MTARC2: variants seen among roughly 807,000 people sequenced by gnomAD.
The protein encoded by MTARC2 is MOCO sulphurase C-terminal domain containing 2.
MTARC2 carries 27 observed loss-of-function variants against 35.6 expected under a neutral mutation model. That is an observed-to-expected ratio of 0.76 (90% confidence interval 0.56 to 1.04). The LOEUF is 1.04. MTARC2 is among the 50% of genes least tolerant of loss of function. The pLI, the probability that MTARC2 is intolerant of heterozygous loss-of-function variation, is 0.00. For missense variants in MTARC2, 412 were observed against 432.5 expected, an observed-to-expected ratio of 0.95 and a Z score of 0.42; for synonymous variants, 158 against 167.1, an observed-to-expected ratio of 0.95 and a Z score of 0.42.
At chr1:220,783,309 G>A (rs947484174) in intron 7 of MTARC2, among the ~76,000 whole-genome samples, 1 of 152,194 alleles carries the variant, frequency 6.6e-6, no homozygotes, top group African/African-American at 2.4e-5. Flanking sequence ...TACTAGAGGG[G>A]AAACTGTGAA....
intron 4 of MTARC2, among the ~76,000 whole-genome samples, chr1:220,773,071 G>C (rs978633612): frequency 3.3e-5 from 5 of 152,122 alleles, no homozygotes; most frequent in African/African-American, 1.2e-4. Context: ...CTTGGGGAAA[G>C]AGGGGTGTCC....
At position 220,776,881 on chromosome 1, in the gene MTARC2, C is replaced by T. The variant is rs138987315; in HGVS notation, c.751-3137C>T. Among the ~76,000 whole-genome samples, 1,435 of 152,304 alleles carry T rather than the reference C, an allele frequency of 9.4e-3. 10 individuals are homozygous for T. The highest frequency in any genetic ancestry group is 0.062 in the Middle Eastern group (18 of 292). On this transcript the variant is annotated intron_variant, in intron 4 of 7. Coordinates refer to ENST00000366913, the MANE Select transcript of MTARC2 (RefSeq NM_017898.5). ...GCTGGGTCGGCTTCCATTCCTGGGT[C>T]CGCAGCGCCCTCGTGTGGTAGGTGC...
intron 4 of MTARC2, among the ~76,000 whole-genome samples, chr1:220,773,556 C>A (rs1368125316): frequency 6.6e-6 from 1 of 152,132 alleles, no homozygotes; most frequent in African/African-American, 2.4e-5. Context: ...GTGGCCTGGA[C>A]TTGGCTGGCA....
Position 220,748,804 on chromosome 1 carries a change from G to T in MTARC2, c.272+1G>T. 6.3e-7 allele frequency: 1 copy of T among 1,583,960 alleles called. No homozygotes were observed. The highest frequency in any genetic ancestry group is 1.8e-5 in the Admixed American group (1 of 56,360). On this transcript the variant is annotated splice_donor_variant, in intron 1 of 7. Coordinates refer to ENST00000366913, the MANE Select transcript of MTARC2 (RefSeq NM_017898.5). LOFTEE classifies it high-confidence loss of function. ...TGCGCAGCGGCAACCTGCGGGACAG[G>T]TACAGCACAGCGCGGGCGCGGGGCA...
chr1:220,776,105 C>T (rs1354846315), intron 4 of MTARC2, among the ~76,000 whole-genome samples: 1 of 152,180 alleles, frequency 6.6e-6, no homozygotes, highest in Non-Finnish European at 1.5e-5. Context: ...ATCTACAGAT[C>T]GCTTTCCATG....
Position 220,754,993 on chromosome 1 carries a change from C to A in MTARC2, c.319C>A (p.Gln107Lys). The change falls in exon 2 of 8, where the codon CAG becomes AAG. Residue 107 changes from glutamine to lysine, a missense_variant. Transcript: ENST00000366913. The part of the protein sequence containing the change: ...KEDGHMVTAR[Q>K]EPRLVLISII... ...AGATGGACACATGGTCACTGCCCGA[C>A]AGGAGCCTCGCCTCGTGCTCATCTC... 1 of 1,611,318 alleles carries A rather than the reference C, an allele frequency of 6.2e-7. No individual in the cohort carries two copies. The highest frequency in any genetic ancestry group is 8.5e-7 in the Non-Finnish European group (1 of 1,178,684).
intron 4 of MTARC2, among the ~76,000 whole-genome samples, chr1:220,778,247 C>CAAAAAAAAAAAAA (rs60336134): frequency 6.2e-5 from 6 of 97,296 alleles, no homozygotes; most frequent in Admixed American, 1.3e-4. Context: ...GACTCTGTCT[C>CAAAAAAAAAAAAA]AAAAAAAAAA....
At chr1:220,778,258 AAAAAAAAAAAGAAAG>A (rs1425031618) in intron 4 of MTARC2, among the ~76,000 whole-genome samples, 52 of 141,804 alleles carry the variant, frequency 3.7e-4, no homozygotes, top group African/African-American at 1.1e-3. Flanking sequence ...AAAAAAAAAA[AAAAAAAAAAAGAAAG>A]AAAGAAAGAA....
At chr1:220,754,228 G>A (rs1671214939) in intron 1 of MTARC2, 3 of 435,190 alleles carry the variant, frequency 6.9e-6, no homozygotes, top group Non-Finnish European at 1.4e-5. Flanking sequence ...ACTGGGCCTG[G>A]CCAGCTTCCC....
At chr1:220,765,564 TAG>T (rs1412402915) in intron 4 of MTARC2, among the ~76,000 whole-genome samples, 1 of 152,300 alleles carries the variant, frequency 6.6e-6, no homozygotes, top group African/African-American at 2.4e-5. Flanking sequence ...GCCCAGTCAC[TAG>T]AGAGTCTTTG....
chr1:220,761,752 C>A lies in MTARC2; in HGVS notation c.541C>A (p.Gln181Lys), dbSNP rs1671443281. ...GAAAACTGAAGCGTATAGATTGGTT[C>A]AATTTGAGACAAACATGAAGGGAAG... ...FLKTEAYRLV[Q>K]FETNMKGRTS... The change falls in exon 3 of 8, where the codon CAA becomes AAA. Residue 181 changes from glutamine (Q) to lysine (K), a missense_variant. Coordinates refer to ENST00000366913, the MANE Select transcript of MTARC2 (RefSeq NM_017898.5). 6.2e-7 allele frequency: 1 copy of A among 1,613,848 alleles called. No individual in the cohort carries two copies. Among genetic ancestry groups the A allele is most frequent in the Admixed American group, 1.7e-5 (1 of 59,874 alleles).
intron 2 of MTARC2, among the ~76,000 whole-genome samples, chr1:220,760,614 C>A (rs994580140): frequency 1.3e-5 from 2 of 152,090 alleles, no homozygotes; most frequent in Non-Finnish European, 2.9e-5. Flanking sequence ...TTTTTAAGTT[C>A]ATGAATTATA....
Position 220,752,465 on chromosome 1 carries a change from C to G in MTARC2, c.273-2482C>G, listed in dbSNP as rs571245474. ...AGTCAGTGGATGCCTGCCTATTTCA[C>G]TGTAGCCCCATTCTCTGGGCAGACA... On this transcript the variant is annotated intron_variant, in intron 1 of 7. Coordinates refer to ENST00000366913, the MANE Select transcript of MTARC2 (RefSeq NM_017898.5). Among the ~76,000 whole-genome samples the G allele has an allele frequency of 7.3e-4, 111 of 152,310 alleles. 1 individual carries two copies. The highest frequency in any genetic ancestry group is 2.6e-3 in the African/African-American group (108 of 41,580).
intron 7 of MTARC2, among the ~76,000 whole-genome samples, chr1:220,783,608 C>A (rs986615065): frequency 2.0e-5 from 3 of 152,242 alleles, no homozygotes; most frequent in African/African-American, 7.2e-5. Flanking sequence ...CTGTGGTTCA[C>A]TCAGCCTCAA....
intron 4 of MTARC2, among the ~76,000 whole-genome samples, chr1:220,773,964 A>AAC (rs3056885): frequency 0.018 from 2,741 of 148,496 alleles, 48 homozygotes; most frequent in East Asian, 0.042. Context: ...ATTATATATA[A>AAC]ACACACACAC....
chr1:220,782,340 A>G (rs1323181309), intron 7 of MTARC2, among the ~76,000 whole-genome samples: 1 of 152,220 alleles, frequency 6.6e-6, no homozygotes, highest in Admixed American at 6.5e-5. Flanking sequence ...TCAGCTTGGG[A>G]AATGTTTAAA....
At chr1:220,775,211 T>C (rs79554190) in intron 4 of MTARC2, among the ~76,000 whole-genome samples, 1 of 148,022 alleles carries the variant, frequency 6.8e-6, no homozygotes, top group African/African-American at 2.5e-5. Context: ...AACCCTCTAG[T>C]CCTAATTTAG....
At chr1:220,781,129 T>C (rs188399260) in intron 6 of MTARC2, among the ~76,000 whole-genome samples, 1 of 152,298 alleles carries the variant, frequency 6.6e-6, no homozygotes, top group East Asian at 1.9e-4. Context: ...CTCTGTTTTG[T>C]GGATTGTTTC....
chr1:220,766,875 A>T (rs1267793779), intron 4 of MTARC2, among the ~76,000 whole-genome samples: 6 of 143,976 alleles, frequency 4.2e-5, no homozygotes, highest in South Asian at 4.4e-4. Context: ...AAAAAAAAAA[A>T]GGCTAGGCAT....
Sources: allele counts gnomAD v4.1 joint callset (sites outside exome capture counted in the v4.1 genomes callset), GRCh38; gene constraint gnomAD v4.1.1; transcripts MANE v1.5; gene names NCBI Gene and HGNC (gene_info 2026-07-23, HGNC 2026-07-21).